SASH1: variants seen among roughly 807,000 people sequenced by gnomAD.
The protein encoded by SASH1 is SAM and SH3 domain-containing protein 1.
In SASH1, 44 loss-of-function variants were observed where a neutral mutation model predicts 125.2. The observed-to-expected ratio is 0.35, with a 90% CI of 0.28 to 0.45. SASH1 has a LOEUF of 0.45. Ranked by LOEUF, SASH1 falls within the 20% of genes least tolerant of loss-of-function variation. SASH1 has a pLI of 1.00. For synonymous variants in SASH1, 639 were observed against 649.1 expected (o/e 0.98, Z 0.24); for missense variants, 1,426 against 1,614.5 (o/e 0.88, Z 2.00).
chr6:148,531,179 C>T (rs1191914066), intron 12 of SASH1, among the ~76,000 whole-genome samples: 1 of 152,062 alleles, frequency 6.6e-6, no homozygotes, highest in Non-Finnish European at 1.5e-5. Context: ...TGTACTTGAT[C>T]TACATTTGAA....
intron 1 of SASH1, among the ~76,000 whole-genome samples, chr6:148,356,514 T>TTTTTTTA (rs1781947002): frequency 7.2e-6 from 1 of 138,610 alleles, no homozygotes; most frequent in Non-Finnish European, 1.5e-5. Flanking sequence ...TTTTTTTTTT[T>TTTTTTTA]GAGACTGGGT....
At chr6:148,333,724 A>G (rs9377126) in intron 1 of SASH1, among the ~76,000 whole-genome samples, 82,055 of 151,580 alleles carry the variant, frequency 0.54, 22,530 homozygotes, top group South Asian at 0.68. Flanking sequence ...ACCACACCTG[A>G]CTAATTTTGT....
Position 148,356,225 on chromosome 6 carries a change from C to T in SASH1, c.156+13002C>T, listed in dbSNP as rs553329148. 9.9e-5 allele frequency among the ~76,000 whole-genome samples: 15 copies of T among 152,200 alleles called. No homozygotes were observed. The South Asian group carries it at 3.1e-3, about 32-fold the overall frequency. On this transcript the variant is annotated intron_variant, in intron 1 of 19. Transcript: ENST00000367467. ...TCAGCCTCCTGGGTAGCTGGGATTA[C>T]AGGCACACACCACCATACCTGGCTA...
upstream of SASH1, among the ~76,000 whole-genome samples, chr6:148,341,900 G>A (rs1182126646): frequency 1.3e-5 from 2 of 152,116 alleles, no homozygotes; most frequent in Admixed American, 1.3e-4. Flanking sequence ...GGAAAACTCT[G>A]AGTAGTCTTG....
At chr6:148,255,295 T>G in the SASH1 span, among the ~76,000 whole-genome samples, 2 of 152,198 alleles carry the variant, frequency 1.3e-5, no homozygotes, top group Admixed American at 6.5e-5. Flanking sequence ...AGACAGCTTC[T>G]ACTCCCTGTG....
intron 1 of SASH1, among the ~76,000 whole-genome samples, chr6:148,346,502 A>T (rs1236902019): frequency 4.7e-5 from 7 of 149,916 alleles, no homozygotes; most frequent in African/African-American, 1.5e-4. Flanking sequence ...AAAAAAAAAA[A>T]TTAACTAGAT....
At chr6:148,545,474 C>G (rs1782498732) in intron 18 of SASH1, among the ~76,000 whole-genome samples, 1 of 152,204 alleles carries the variant, frequency 6.6e-6, no homozygotes, top group South Asian at 2.1e-4. Context: ...AAATGCTGGC[C>G]TAGTGAGCTG....
chr6:148,317,528 G>A (rs778383768), intron 1 of SASH1, among the ~76,000 whole-genome samples: 25 of 152,214 alleles, frequency 1.6e-4, no homozygotes, highest in Non-Finnish European at 3.5e-4. Context: ...GGGCTCAAGC[G>A]ATTCTCCTGC....
chr6:148,441,609 G>A (rs572010698), intron 4 of SASH1, among the ~76,000 whole-genome samples: 1 of 152,258 alleles, frequency 6.6e-6, no homozygotes, highest in East Asian at 1.9e-4. Context: ...TAGAAGCATC[G>A]AGTGAACGGG....
intron 1 of SASH1, among the ~76,000 whole-genome samples, chr6:148,272,953 T>C (rs1173497270): frequency 6.6e-6 from 1 of 152,156 alleles, no homozygotes; most frequent in Non-Finnish European, 1.5e-5. Flanking sequence ...TTTTCTTTTT[T>C]AATTAAAAAA....
chr6:148,215,028 A>G, the SASH1 span, among the ~76,000 whole-genome samples: 30 of 152,130 alleles, frequency 2.0e-4, no homozygotes, highest in Admixed American at 1.9e-3. Context: ...GCTCGTTCCT[A>G]TCACCCTGGT....
intron 16 of SASH1, among the ~76,000 whole-genome samples, chr6:148,537,699 C>G (rs970533692): frequency 6.6e-6 from 1 of 151,988 alleles, no homozygotes; most frequent in African/African-American, 2.4e-5. Flanking sequence ...AAGGTAACTG[C>G]TCCCCAGGCA....
At chr6:148,526,884 TC>T (rs35172402) in intron 11 of SASH1, among the ~76,000 whole-genome samples, 95,105 of 140,856 alleles carry the variant, frequency 0.68, 32,763 homozygotes, top group Non-Finnish European at 0.72. Flanking sequence ...TTTTTTTTTT[TC>T]CCTCTGAGAG....
chr6:148,442,238 C>T (rs1207395405), intron 4 of SASH1, among the ~76,000 whole-genome samples: 17 of 151,634 alleles, frequency 1.1e-4, no homozygotes, highest in African/African-American at 2.2e-4. Flanking sequence ...ACCAGCCCCC[C>T]GCCCCCAGCC....
chr6:148,362,071 G>A (rs1386799583), intron 1 of SASH1, among the ~76,000 whole-genome samples: 15 of 150,628 alleles, frequency 1.0e-4, no homozygotes, highest in East Asian at 2.0e-4. Context: ...CCACAACCAC[G>A]CCCAGCTATT....
rs200708826 is a variant in SASH1 at position 148,482,688 on chromosome 6, A to ATTTTTTTTTTTTTTTTT, written c.628-4924_628-4908dup. ...AGGCATGTGCCACCACACCTGGCTA[A>ATTTTTTTTTTTTTTTTT]TTTTTTTTTTTTTTTTTTGAGAGAG... On this transcript the variant is annotated intron_variant, in intron 7 of 19. Transcript: ENST00000367467. Among the ~76,000 whole-genome samples, 28 of 99,918 alleles carry ATTTTTTTTTTTTTTTTT rather than the reference A, an allele frequency of 2.8e-4. 5 individuals carry two copies. Among genetic ancestry groups the ATTTTTTTTTTTTTTTTT allele is most frequent in the African/African-American group, 8.0e-4 (18 of 22,530 alleles). The allele number at this position is 99,918 out of a possible 152,430, so 65.6% of individuals were successfully genotyped here.
upstream of SASH1, among the ~76,000 whole-genome samples, chr6:148,267,950 A>G (rs763559938): frequency 6.6e-6 from 1 of 152,178 alleles, no homozygotes; most frequent in Non-Finnish European, 1.5e-5. Context: ...TTCACCCTTG[A>G]ATCATCTCAA....
intron 8 of SASH1, among the ~76,000 whole-genome samples, chr6:148,508,093 C>T (rs1416248762): frequency 1.3e-5 from 2 of 152,082 alleles, no homozygotes; most frequent in East Asian, 1.9e-4. Flanking sequence ...AACTCGGATG[C>T]TCTGAAATGG....
chr6:148,354,711 G>A (rs1344283384), intron 1 of SASH1, among the ~76,000 whole-genome samples: 1 of 152,148 alleles, frequency 6.6e-6, no homozygotes, highest in African/African-American at 2.4e-5. Context: ...ACTCATTGTG[G>A]TTTGAGGAAG....
Sources: allele counts gnomAD v4.1 joint callset (sites outside exome capture counted in the v4.1 genomes callset), GRCh38; gene constraint gnomAD v4.1.1; transcripts MANE v1.5; gene names NCBI Gene and HGNC (gene_info 2026-07-23, HGNC 2026-07-21).